The following ZNF704 variants were observed in gnomAD, a reference collection of about 807,000 sequenced individuals.
ZNF704 encodes the protein glucocorticoid induced gene 1.
ZNF704 carries 10 observed loss-of-function variants against 44.7 expected under a neutral mutation model. The ratio of observed to expected loss-of-function variants is 0.22; its 90% CI spans 0.14 to 0.38. ZNF704 has a LOEUF of 0.38. Among genes scored for constraint, ZNF704 ranks in the 10% least tolerant of loss-of-function variants. ZNF704 has a pLI of 1.00. For synonymous variants in ZNF704, 211 were observed against 207.6 expected (o/e 1.02, Z -0.14); for missense variants, 390 against 545.5 (o/e 0.71, Z 2.84).
intron 1 of ZNF704, among the ~76,000 whole-genome samples, chr8:80,830,473 G>C (rs1054102600): frequency 1.3e-5 from 2 of 152,182 alleles, no homozygotes; most frequent in African/African-American, 2.4e-5. Flanking sequence ...GCTGGGGTGG[G>C]AGCAGGAACT....
intron 2 of ZNF704, among the ~76,000 whole-genome samples, chr8:80,797,174 T>G (rs1374858534): frequency 6.6e-6 from 1 of 152,202 alleles, no homozygotes; most frequent in African/African-American, 2.4e-5. Context: ...CTCTAAGGCC[T>G]TGGGCAGCTC....
intron 2 of ZNF704, among the ~76,000 whole-genome samples, chr8:80,733,492 A>G (rs1169407258): frequency 6.6e-6 from 1 of 152,254 alleles, no homozygotes; most frequent in Non-Finnish European, 1.5e-5. Flanking sequence ...TTCAAGGATT[A>G]AAACTGATTT....
chr8:80,630,235 A>C lies in ZNF704; in HGVS notation c.*11131T>G, dbSNP rs1817561652. 1 of 152,256 alleles carries C rather than the reference A, an allele frequency of 6.6e-6. No homozygotes were observed. The highest frequency in any genetic ancestry group is 2.4e-5 in the African/African-American group (1 of 41,462). The allele number at this position is 152,256 out of a possible 1,614,324, so 9.4% of individuals were successfully genotyped here. On this transcript the variant is annotated 3_prime_UTR_variant, in exon 9 of 9. Transcript: ENST00000327835. Reference sequence around the variant, plus strand: ...TAACATTAAAGACTTCTGTTAAGCAAGTACTTACCTCTGAATGGTGGTAAA... The same window carrying C: ...TAACATTAAAGACTTCTGTTAAGCACGTACTTACCTCTGAATGGTGGTAAA...
At chr8:80,710,620 G>T (rs1818970581) in intron 2 of ZNF704, among the ~76,000 whole-genome samples, 1 of 152,178 alleles carries the variant, frequency 6.6e-6, no homozygotes, top group African/African-American at 2.4e-5. Context: ...GATAGCATTT[G>T]TGTCTTATAA....
At chr8:80,757,974 A>G (rs1248743512) in intron 2 of ZNF704, among the ~76,000 whole-genome samples, 1 of 152,210 alleles carries the variant, frequency 6.6e-6, no homozygotes, top group Non-Finnish European at 1.5e-5. Context: ...GTTAAGTGAC[A>G]CATGACTGTA....
rs575750128 is a variant in ZNF704 at position 80,640,916 on chromosome 8, T to G, written c.*450A>C. 2 of 154,020 alleles carry G rather than the reference T, an allele frequency of 1.3e-5. No homozygotes were observed. The highest frequency in any genetic ancestry group is 3.8e-4 in the East Asian group (2 of 5,202). 9.5% of individuals were successfully genotyped at this position (154,020 alleles called of 1,614,324 possible). A position where few individuals can be genotyped will look rare whatever the true frequency, so the allele number is the denominator to read the frequency against. ...CGGAAAAGATTATTCACAACAAAAG[T>G]AAGTATTGATCTTTGTACAAATGCT... is the stretch of plus-strand genomic sequence containing the variant. On this transcript the variant is annotated 3_prime_UTR_variant, in exon 9 of 9. Coordinates refer to ENST00000327835, the MANE Select transcript of ZNF704 (RefSeq NM_001033723.3).
chr8:80,815,451 A>T (rs1808162028), intron 2 of ZNF704, among the ~76,000 whole-genome samples: 1 of 152,254 alleles, frequency 6.6e-6, no homozygotes, highest in Admixed American at 6.5e-5. Flanking sequence ...CAAAACCATG[A>T]TGTCTGGCAA....
upstream of ZNF704, among the ~76,000 whole-genome samples, chr8:80,878,387 A>C (rs534337906): frequency 6.6e-6 from 1 of 152,342 alleles, no homozygotes; most frequent in East Asian, 1.9e-4. Flanking sequence ...TCATGTTTCC[A>C]AAATCAAGAG....
chr8:80,846,919 T>A (rs1394240295), intron 1 of ZNF704, among the ~76,000 whole-genome samples: 1 of 152,190 alleles, frequency 6.6e-6, no homozygotes, highest in African/African-American at 2.4e-5. Context: ...ACGCCTGTAA[T>A]CTCAGCATTT....
intron 7 of ZNF704, chr8:80,644,926 GC>G: frequency 9.8e-7 from 1 of 1,020,172 alleles, no homozygotes. Context: ...AAAGCAGCTT[GC>G]CAGCTTCATT....
At chr8:80,840,370 T>G (rs1308610323) in intron 1 of ZNF704, among the ~76,000 whole-genome samples, 2 of 152,184 alleles carry the variant, frequency 1.3e-5, no homozygotes. Flanking sequence ...TCAATGTTAG[T>G]GTATTTTATG....
intron 2 of ZNF704, among the ~76,000 whole-genome samples, chr8:80,801,980 T>C (rs983846117): frequency 1.3e-5 from 2 of 151,778 alleles, no homozygotes; most frequent in African/African-American, 4.8e-5. Context: ...CAATCAGAAA[T>C]GATAACAGGG....
chr8:80,775,042 CT>C (rs1039732963), intron 2 of ZNF704, among the ~76,000 whole-genome samples: 1 of 151,982 alleles, frequency 6.6e-6, no homozygotes, highest in Non-Finnish European at 1.5e-5. Flanking sequence ...TTTAGTTTGA[CT>C]TAGGGGAAGA....
intron 2 of ZNF704, among the ~76,000 whole-genome samples, chr8:80,782,109 T>C (rs946678900): frequency 3.9e-5 from 6 of 152,232 alleles, no homozygotes; most frequent in African/African-American, 1.4e-4. Context: ...TCATCACTGC[T>C]GTCTTCTCTC....
chr8:80,724,938 T>C (rs187071632), intron 2 of ZNF704, among the ~76,000 whole-genome samples: 27 of 152,306 alleles, frequency 1.8e-4, no homozygotes, highest in Admixed American at 3.3e-4. Context: ...TTCCAGTGGC[T>C]CTCCACTGTT....
intron 2 of ZNF704, among the ~76,000 whole-genome samples, chr8:80,767,989 A>G (rs1215480730): frequency 6.6e-6 from 1 of 152,172 alleles, no homozygotes; most frequent in Non-Finnish European, 1.5e-5. Flanking sequence ...CTCTATAGCA[A>G]CCTAAAGGCA....
intron 5 of ZNF704, 83 bp downstream of exon 5, chr8:80,670,420 C>T: frequency 1.0e-6 from 1 of 984,494 alleles, no homozygotes; most frequent in Non-Finnish European, 1.6e-6. Context: ...CTTTAAGGCA[C>T]AGTGTGGTGT....
At chr8:80,845,737 G>C (rs551071492) in intron 1 of ZNF704, among the ~76,000 whole-genome samples, 2 of 152,058 alleles carry the variant, frequency 1.3e-5, no homozygotes, top group Non-Finnish European at 2.9e-5. Flanking sequence ...GCAAAATTAC[G>C]GCAATCTAGG....
intron 2 of ZNF704, among the ~76,000 whole-genome samples, chr8:80,741,328 TTA>T (rs1342383106): frequency 3.3e-5 from 5 of 152,186 alleles, no homozygotes; most frequent in African/African-American, 1.2e-4. Context: ...AGACTTTTCT[TTA>T]TATGTCACAG....
Sources: gnomAD v4.1 joint callset for allele counts (sites outside exome capture counted in the v4.1 genomes callset) on GRCh38, gnomAD v4.1.1 for gene constraint, MANE v1.5 for transcripts, NCBI Gene and HGNC (gene_info 2026-07-23, HGNC 2026-07-21) for gene names.